Variants in TMPRSS13 observed in about 807,000 individuals in gnomAD.
TMPRSS13 encodes transmembrane serine protease 13.
In TMPRSS13, 50 loss-of-function variants were observed where a neutral mutation model predicts 68.4. The ratio of observed to expected loss-of-function variants is 0.73; its 90% confidence interval spans 0.58 to 0.93. The LOEUF (loss-of-function observed/expected upper bound fraction) is 0.93, where lower values mean the gene tolerates loss of function less well. Among genes scored for constraint, TMPRSS13 ranks in the 40% least tolerant of loss-of-function variants. The pLI is 0.00. For missense variants in TMPRSS13, 615 were observed against 729.2 expected (o/e 0.84, Z 1.80); for synonymous variants, 267 against 285.8 (o/e 0.93, Z 0.66).
At chr11:117,905,859 C>G in intron 9 of TMPRSS13, 123 bp from the exon 10 acceptor site, 1 of 648,808 alleles carries the variant, frequency 1.5e-6, no homozygotes, top group South Asian at 1.8e-5. Flanking sequence ...ATCCTTGACT[C>G]TAGAGTCCTG....
At chr11:117,926,610 G>C (rs916882698) in intron 1 of TMPRSS13, among the ~76,000 whole-genome samples, 1 of 152,210 alleles carries the variant, frequency 6.6e-6, no homozygotes, top group Non-Finnish European at 1.5e-5. Context: ...ACTGCTCTGA[G>C]AATTAAAAAT....
chr11:117,904,208 T>A, intron 10 of TMPRSS13, 107 bp from the exon 11 acceptor site: 1 of 1,435,420 alleles, frequency 7.0e-7, no homozygotes, highest in Non-Finnish European at 9.4e-7. Context: ...CACAGCCTCC[T>A]GGGAATGGAG....
At chr11:117,921,086 T>C (rs11216621) in intron 1 of TMPRSS13, among the ~76,000 whole-genome samples, 1,874 of 152,246 alleles carry the variant, frequency 0.012, 33 homozygotes, top group African/African-American at 0.041. Context: ...GCAGTTGGTA[T>C]GGTTAGCCTC....
intron 6 of TMPRSS13, among the ~76,000 whole-genome samples, chr11:117,911,304 C>T (rs553128630): frequency 1.1e-4 from 17 of 152,296 alleles, no homozygotes; most frequent in East Asian, 1.9e-4. Context: ...CTGCACCTGG[C>T]GGTCCCCTAC....
Position 117,910,733 on chromosome 11 carries a change from T to C in TMPRSS13, c.920A>G (p.Gln307Arg). ...GGAACACTGGAGAGAGATATACCGC[T>C]GGGAAGGGCATTCAGACCTGCAGGG... is the stretch of plus-strand genomic sequence containing the variant. ...ESLHRSECPS[Q>R]RYISLQCSHC... is the part of the protein sequence containing the mutation. The change falls in exon 7 of 13, where the codon CAG becomes CGG. Residue 307 changes from glutamine (Q) to arginine (R), a missense_variant. Physicochemically the swap from Gln to Arg is conservative, Grantham distance 43 (BLOSUM62 1). Coordinates refer to ENST00000524993, the MANE Select transcript of TMPRSS13 (RefSeq NM_001077263.3). 6.2e-7 allele frequency: 1 copy of C among 1,608,946 alleles called. No individual in the cohort carries two copies. Among genetic ancestry groups the C allele is most frequent in the Non-Finnish European group, 8.5e-7 (1 of 1,177,084 alleles).
In TMPRSS13 at chr11:117,918,690, G is replaced by T. The variant is rs566795506; in HGVS notation, c.170C>A (p.Ala57Asp). ...AGGTGTACCAGCTGGAGATGCCTGG[G>T]CTGGAGATGCCCGGCCCGGAGGTGT... ...AGTPPGRASP[A>D]QASPAGTPPG... The change falls in exon 2 of 13, where the codon GCC becomes GAC. Residue 57 changes from alanine (A) to aspartate (D), a missense_variant. Ala to Asp is a moderately radical substitution (Grantham distance 126, BLOSUM62 -2). Coordinates refer to ENST00000524993, the MANE Select transcript of TMPRSS13 (RefSeq NM_001077263.3). 3.0e-5 allele frequency: 48 copies of T among 1,604,302 alleles called. No homozygotes were observed. The highest frequency in any genetic ancestry group is 4.1e-5 in the Non-Finnish European group (48 of 1,175,096).
rs114055200 is a variant in TMPRSS13, at chr11:117,910,671, G to A, written c.946+36C>T. 6.8e-4 allele frequency: 1,089 copies of A among 1,593,878 alleles called. 8 individuals are homozygous for A. The African/African-American group carries it at 0.013, about 19-fold the overall frequency. On this transcript the variant is annotated intron_variant, in intron 7 of 12. Coordinates refer to ENST00000524993, the MANE Select transcript of TMPRSS13 (RefSeq NM_001077263.3). ...GCCCCTCTGCCCTTTACTCCCACAC[G>A]ACACTGGCCACAATCCAAGAAGAAG...
chr11:117,908,704 A>G lies in TMPRSS13; in HGVS notation c.1190T>C (p.Ile397Thr). Residue 397 changes from isoleucine to threonine, a missense_variant, in exon 9 of 13, where the codon ATT becomes ACT. Physicochemically the swap from Ile to Thr is moderately conservative, Grantham distance 89 (BLOSUM62 -1). Transcript: ENST00000524993. ...ATTGCTGTTGATGATGATCTCGGCA[A>G]TGGAGGCTGCCTCAGGCAACTGGTG... is the stretch of plus-strand genomic sequence containing the variant. ...NLHQLPEAAS[I>T]AEIIINSNYT... The G allele has an allele frequency of 6.2e-7, 1 of 1,606,468 alleles. No homozygotes were observed. The highest frequency in any genetic ancestry group is 8.5e-7 in the Non-Finnish European group (1 of 1,177,456).
At chr11:117,910,503 C>T in intron 7 of TMPRSS13, 1 of 535,904 alleles carries the variant, frequency 1.9e-6, no homozygotes, top group South Asian at 3.1e-5. Context: ...GGGCTGAGCC[C>T]CTACCAGAGT....
chr11:117,902,189 G>A lies in TMPRSS13; in HGVS notation c.*50C>T, dbSNP rs746327862. On this transcript the variant is annotated 3_prime_UTR_variant, in exon 13 of 13. Coordinates refer to ENST00000524993, the MANE Select transcript of TMPRSS13 (RefSeq NM_001077263.3). ...ATGCCACACATGGCCAGTCACCATG[G>A]CCAGAGTCTTCACAGCAGCCGGTGC... is the stretch of plus-strand genomic sequence containing the variant. 1.9e-6 allele frequency: 3 copies of A among 1,611,020 alleles called. No individual in the cohort carries two copies. Among genetic ancestry groups the A allele is most frequent in the Non-Finnish European group, 2.5e-6 (3 of 1,178,392 alleles).
intron 12 of TMPRSS13, chr11:117,903,234 T>C (rs1215637604): frequency 1.5e-6 from 2 of 1,323,350 alleles, no homozygotes; most frequent in African/African-American, 3.0e-5. Flanking sequence ...AAAAAGAAAA[T>C]CAAAAAGACT....
intron 1 of TMPRSS13, among the ~76,000 whole-genome samples, chr11:117,926,788 GA>G (rs1388130855): frequency 6.6e-6 from 1 of 152,136 alleles, no homozygotes. Context: ...ACAGGTAGAA[GA>G]AGATGTTTGT....
chr11:117,904,190 C>A, intron 10 of TMPRSS13, 89 bp from the exon 11 acceptor site: 2 of 1,496,398 alleles, frequency 1.3e-6, no homozygotes, highest in Non-Finnish European at 1.8e-6. Context: ...CACCCCAAGA[C>A]CCAGAATCAC....
Position 117,914,576 on chromosome 11 carries a change from A to G in TMPRSS13, c.557-62T>C, listed in dbSNP as rs1217974394. 6.2e-7 allele frequency: 1 copy of G among 1,604,126 alleles called. No homozygotes were observed. Reference sequence around the variant, plus strand: ...GCCCCACTGAGATGAGACACTGAGCAGCCCAAGGACCTGGGGGTTCTGAGA... The same window carrying G: ...GCCCCACTGAGATGAGACACTGAGCGGCCCAAGGACCTGGGGGTTCTGAGA... On this transcript the variant is annotated intron_variant, in intron 3 of 12. Coordinates refer to ENST00000524993, the MANE Select transcript of TMPRSS13 (RefSeq NM_001077263.3). The surrounding 1 kb of genome is among the most constrained non-coding windows in gnomAD (Gnocchi z 4.2).
intron 1 of TMPRSS13, 66 bp downstream of exon 1, chr11:117,929,221 T>A: frequency 2.1e-6 from 3 of 1,454,184 alleles, no homozygotes; most frequent in Non-Finnish European, 2.8e-6. Context: ...CCCACCTGTC[T>A]CCCAGCCTCA....
intron 7 of TMPRSS13, chr11:117,910,466 A>G (rs2057511238): frequency 3.9e-6 from 2 of 507,108 alleles, no homozygotes; most frequent in Non-Finnish European, 7.1e-6. Context: ...GAAGACTCAG[A>G]CAGCTTCCTT....
intron 1 of TMPRSS13, among the ~76,000 whole-genome samples, chr11:117,923,417 A>AGCGAGTGAT (rs1369388747): frequency 7.2e-6 from 1 of 138,642 alleles, no homozygotes; most frequent in African/African-American, 3.2e-5. Context: ...CTGGGGGCCC[A>AGCGAGTGAT]GCCAGTGAGA....
At chr11:117,923,958 T>C (rs1237571215) in intron 1 of TMPRSS13, among the ~76,000 whole-genome samples, 2 of 151,528 alleles carry the variant, frequency 1.3e-5, no homozygotes, top group Non-Finnish European at 1.5e-5. Context: ...TTTAAGCCAA[T>C]TGGGCCTCCC....
At chr11:117,926,526 T>C (rs540022995) in intron 1 of TMPRSS13, among the ~76,000 whole-genome samples, 8 of 152,338 alleles carry the variant, frequency 5.3e-5, no homozygotes, top group African/African-American at 1.9e-4. Context: ...AGGCCCAGTA[T>C]AAGAAAATCC....
Sources: allele counts gnomAD v4.1 joint callset (sites outside exome capture counted in the v4.1 genomes callset), GRCh38; gene constraint gnomAD v4.1.1; non-coding constraint Gnocchi (gnomAD v3.1); transcripts MANE v1.5; gene names NCBI Gene and HGNC (gene_info 2026-07-23, HGNC 2026-07-21).